NLGN4Y: variants seen among roughly 807,000 people sequenced by gnomAD.
NLGN4Y encodes the protein neuroligin 4 Y-linked, also known as neuroligin-4, Y-linked.
A neutral mutation model predicts 8.4 loss-of-function variants in NLGN4Y; 4 were observed. The observed-to-expected ratio is 0.48, with a 90% CI of 0.23 to 1.09. NLGN4Y has a LOEUF of 1.09. Ranked by LOEUF, NLGN4Y falls within the 50% of genes least tolerant of loss-of-function variation. NLGN4Y has a pLI of 0.19. For missense variants in NLGN4Y, 90 were observed against 192.3 expected (o/e 0.47, Z 3.15); for synonymous variants, 35 against 75.6 (o/e 0.46, Z 2.78).
At chrY:14,674,186 A>T (rs2080738380) in intron 2 of NLGN4Y, among the ~76,000 whole-genome samples, 1 of 30,336 alleles carries the variant, frequency 3.3e-5, no homozygotes, top group Non-Finnish European at 7.9e-5. Context: ...AAACTATAAT[A>T]AAAAAAAATG....
intron 2 of NLGN4Y, among the ~76,000 whole-genome samples, chrY:14,695,856 G>T (rs2080826250): frequency 3.1e-5 from 1 of 32,586 alleles, no homozygotes; most frequent in Non-Finnish European, 7.5e-5. Context: ...GGTGTCGGCT[G>T]GGTAGCATGA....
chrY:14,814,447 G>A (rs938668852), intron 4 of NLGN4Y, among the ~76,000 whole-genome samples: 4 of 32,736 alleles, frequency 1.2e-4, no homozygotes. Context: ...TGATGGCCTC[G>A]ATCCTGGAGG....
chrY:14,796,667 A>G, intron 4 of NLGN4Y, among the ~76,000 whole-genome samples: 1 of 32,922 alleles, frequency 3.0e-5, no homozygotes, highest in Non-Finnish European at 7.4e-5. Flanking sequence ...AGCCAGGCAC[A>G]TAAAAACAAA....
intron 6 of NLGN4Y, among the ~76,000 whole-genome samples, chrY:14,830,765 T>C (rs761833083): frequency 5.8e-5 from 2 of 34,283 alleles, no homozygotes; most frequent in Admixed American, 5.2e-4. Flanking sequence ...AGATTTTTAC[T>C]AGATTTCTAA....
chrY:14,564,191 C>A, intron 1 of NLGN4Y, among the ~76,000 whole-genome samples: 1 of 33,272 alleles, frequency 3.0e-5, no homozygotes, highest in Non-Finnish European at 7.4e-5. Flanking sequence ...CTATAAATTT[C>A]CCTGTGAACA....
intron 1 of NLGN4Y, among the ~76,000 whole-genome samples, chrY:14,602,730 CT>C (rs2080432041): frequency 3.0e-5 from 1 of 33,297 alleles, no homozygotes; most frequent in Non-Finnish European, 7.4e-5. Flanking sequence ...ATTGTCGTAA[CT>C]TTTTTTGCAA....
chrY:14,811,233 C>G, intron 4 of NLGN4Y, among the ~76,000 whole-genome samples: 2 of 33,701 alleles, frequency 5.9e-5, no homozygotes, highest in African/African-American at 2.3e-4. Flanking sequence ...ATCTATTTGA[C>G]TGATTTTTAT....
At chrY:14,618,966 T>C in intron 1 of NLGN4Y, among the ~76,000 whole-genome samples, 1 of 33,898 alleles carries the variant, frequency 3.0e-5, no homozygotes, top group Non-Finnish European at 7.3e-5. Flanking sequence ...AAAAGATAGC[T>C]CTCAACCTGT....
intron 4 of NLGN4Y, among the ~76,000 whole-genome samples, chrY:14,805,129 T>A (rs2043052651): frequency 3.0e-5 from 1 of 33,315 alleles, no homozygotes; most frequent in Non-Finnish European, 7.4e-5. Flanking sequence ...GTGTTGGTTG[T>A]ATCTGGTCCA....
At position 14,829,739 on chromosome Y, in the gene NLGN4Y, A is replaced by G. The variant is rs1279084902; in HGVS notation, c.881A>G (p.Gln294Arg). 7.5e-6 allele frequency: 3 copies of G among 399,164 alleles called. No individual in the cohort carries two copies. Among genetic ancestry groups the G allele is most frequent in the Non-Finnish European group, 1.1e-5 (3 of 283,700 alleles). The change falls in exon 6 of 7, where the codon CAG (glutamine) becomes CGG (arginine). Residue 294 changes from glutamine to arginine, a missense_variant. Coordinates refer to ENST00000684976, the MANE Select transcript of NLGN4Y (RefSeq NM_001365588.1). The part of the protein sequence containing the change: ...TLSHYSEGLF[Q>R]KAIIQSGTAL... ...AATTTTGCACCTGCAGGTCTCTTCC[A>G]GAAGGCCATCATTCAGAGCGGCACT...
At chrY:14,553,871 T>C (rs2080203282) in intron 1 of NLGN4Y, among the ~76,000 whole-genome samples, 1 of 31,508 alleles carries the variant, frequency 3.2e-5, no homozygotes, top group Admixed American at 3.1e-4. Context: ...TGGTAGAAAA[T>C]TCTAGCCCTA....
chrY:14,738,331 A>AT (rs2080996709), intron 4 of NLGN4Y, among the ~76,000 whole-genome samples: 3 of 31,535 alleles, frequency 9.5e-5, no homozygotes, highest in Non-Finnish European at 2.3e-4. Context: ...AAGAGACGCT[A>AT]TTTTTTTTTC....
intron 1 of NLGN4Y, among the ~76,000 whole-genome samples, chrY:14,580,468 T>C: frequency 3.1e-5 from 1 of 31,842 alleles, no homozygotes; most frequent in Admixed American, 2.9e-4. Flanking sequence ...CAAATTTTTT[T>C]TCCAAAAGAA....
chrY:14,843,542 C>A lies in NLGN4Y; in HGVS notation c.*2280C>A. The A allele has an allele frequency of 8.2e-6, 1 of 121,365 alleles. No homozygotes were observed. Among genetic ancestry groups the A allele is most frequent in the Non-Finnish European group, 1.8e-5 (1 of 56,132 alleles). The allele number at this position is 121,365 out of a possible 400,897, so 30.3% of individuals were successfully genotyped here. On this transcript the variant is annotated 3_prime_UTR_variant, in exon 7 of 7. Transcript: ENST00000684976. ...TGTCTCCTGCTAGCAATATGTGCCACAACATGACAGTCTTGTGACATCTTA... is the reference window on the plus strand; with the variant it reads ...TGTCTCCTGCTAGCAATATGTGCCAAAACATGACAGTCTTGTGACATCTTA...
At chrY:14,628,807 T>A (rs747324548) in intron 2 of NLGN4Y, among the ~76,000 whole-genome samples, 5 of 32,053 alleles carry the variant, frequency 1.6e-4, no homozygotes, top group Non-Finnish European at 3.0e-4. Context: ...TATTTTTTTT[T>A]ATTTAGAGAC....
chrY:14,830,556 T>C, intron 6 of NLGN4Y, 37 bp downstream of exon 6: 1 of 382,068 alleles, frequency 2.6e-6, no homozygotes, highest in African/African-American at 6.3e-5. Flanking sequence ...CACTGTCCTC[T>C]TCGCTTGTTT....
intron 1 of NLGN4Y, among the ~76,000 whole-genome samples, chrY:14,552,464 G>A: frequency 3.0e-5 from 1 of 33,667 alleles, no homozygotes; most frequent in Non-Finnish European, 7.3e-5. Flanking sequence ...ACCTGGCAGA[G>A]ACACAACAGA....
chrY:14,538,620 C>CT (rs2080140032), intron 1 of NLGN4Y, among the ~76,000 whole-genome samples: 8 of 32,308 alleles, frequency 2.5e-4, no homozygotes, highest in South Asian at 6.9e-4. Flanking sequence ...GCATTTTTCC[C>CT]TTTTTTTTTG....
At chrY:14,782,915 C>T in intron 4 of NLGN4Y, among the ~76,000 whole-genome samples, 1 of 33,656 alleles carries the variant, frequency 3.0e-5, no homozygotes, top group Admixed American at 2.7e-4. Context: ...AAATTGGAGG[C>T]TGGGGCATTG....
Sources: allele counts gnomAD v4.1 joint callset (sites outside exome capture counted in the v4.1 genomes callset), GRCh38; gene constraint gnomAD v4.1.1; transcripts MANE v1.5; gene names NCBI Gene and HGNC (gene_info 2026-07-23, HGNC 2026-07-21).